Variants in NRG3 observed in about 807,000 individuals in gnomAD.
The protein encoded by NRG3 is pro-neuregulin-3, membrane-bound isoform.
Under a neutral mutation model 66.9 loss-of-function variants are expected in NRG3, and 31 were observed. That is an observed-to-expected ratio of 0.46 (90% confidence interval 0.35 to 0.63). The LOEUF (loss-of-function observed/expected upper bound fraction) is 0.63. Among genes scored for constraint, NRG3 ranks in the 20% least tolerant of loss-of-function variants. The probability of loss-of-function intolerance (pLI) is 0.00; values close to 1 mark genes in which losing one functional copy is unlikely to be tolerated. For synonymous variants in NRG3, 393 were observed against 359.4 expected (o/e 1.09, Z -1.06); for missense variants, 910 against 878.9 (o/e 1.04, Z -0.45).
intron 2 of NRG3, among the ~76,000 whole-genome samples, chr10:82,512,949 T>A (rs554882258): frequency 6.6e-6 from 1 of 152,306 alleles, no homozygotes; most frequent in East Asian, 1.9e-4. Flanking sequence ...ATGCCACATA[T>A]TTTTTCCTTT....
At chr10:82,468,730 A>G (rs950115989) in intron 2 of NRG3, among the ~76,000 whole-genome samples, 1 of 152,216 alleles carries the variant, frequency 6.6e-6, no homozygotes, top group Admixed American at 6.5e-5. Context: ...CAGGCACTTT[A>G]GATCTATTGC....
rs7100746 is a variant in NRG3, at chr10:82,363,029, A to C, written c.953+4161A>C. 7.1e-3 allele frequency among the ~76,000 whole-genome samples: 1,082 copies of C among 152,348 alleles called. 15 individuals carry two copies. The highest frequency in any genetic ancestry group is 0.024 in the African/African-American group (994 of 41,586). ...TGGAAGGCAAAAATTAACAACTTTG[A>C]CACAGCATTTTTTTATCTGAATATC... On this transcript the variant is annotated intron_variant, in intron 2 of 8. Coordinates refer to ENST00000372141, the MANE Select transcript of NRG3 (RefSeq NM_001010848.4).
At chr10:82,707,306 A>T (rs2056368259) in intron 2 of NRG3, among the ~76,000 whole-genome samples, 1 of 151,840 alleles carries the variant, frequency 6.6e-6, no homozygotes, top group South Asian at 2.1e-4. Context: ...TTTTCTCATT[A>T]CCCTTGATAT....
At chr10:82,677,522 C>A (rs1284536863) in intron 2 of NRG3, among the ~76,000 whole-genome samples, 4 of 152,080 alleles carry the variant, frequency 2.6e-5, no homozygotes, top group Non-Finnish European at 5.9e-5. Flanking sequence ...TCTCATCTTT[C>A]TCTGGCTTTT....
At chr10:82,876,350 G>C (rs1037729563) in intron 4 of NRG3, among the ~76,000 whole-genome samples, 16 of 152,152 alleles carry the variant, frequency 1.1e-4, no homozygotes, top group African/African-American at 3.9e-4. Context: ...TAATTATATA[G>C]TGATAGATAG....
chr10:82,524,376 T>A (rs972192944), intron 2 of NRG3, among the ~76,000 whole-genome samples: 1 of 152,000 alleles, frequency 6.6e-6, no homozygotes, highest in African/African-American at 2.4e-5. Context: ...AGGTGCTGAA[T>A]AACGTTAGTT....
intron 3 of NRG3, among the ~76,000 whole-genome samples, chr10:82,775,780 T>A (rs1449260068): frequency 6.6e-6 from 1 of 152,190 alleles, no homozygotes; most frequent in Non-Finnish European, 1.5e-5. Flanking sequence ...TATCTATTTA[T>A]TATTTTATGT....
intron 2 of NRG3, among the ~76,000 whole-genome samples, chr10:82,719,554 A>G (rs2057174991): frequency 6.6e-6 from 1 of 152,144 alleles, no homozygotes; most frequent in African/African-American, 2.4e-5. Context: ...GGAAGCACTA[A>G]ATGTGAAGGC....
chr10:82,709,375 T>G (rs12267238), intron 2 of NRG3, among the ~76,000 whole-genome samples: 33,207 of 148,106 alleles, frequency 0.22, 3,864 homozygotes, highest in Middle Eastern at 0.34. Context: ...TGTTTTTGTT[T>G]TTTGTTTGTT....
At chr10:82,521,355 T>A (rs1846158264) in intron 2 of NRG3, among the ~76,000 whole-genome samples, 1 of 152,106 alleles carries the variant, frequency 6.6e-6, no homozygotes, top group Admixed American at 6.6e-5. Context: ...GACTTTTTTT[T>A]ATTTTGAGAC....
intron 2 of NRG3, among the ~76,000 whole-genome samples, chr10:82,403,084 G>A (rs1344884944): frequency 6.6e-6 from 1 of 152,134 alleles, no homozygotes; most frequent in African/African-American, 2.4e-5. Context: ...GAAAAGACGT[G>A]ACATGCCTTC....
At chr10:81,936,919 G>A (rs1847930793) in intron 1 of NRG3, among the ~76,000 whole-genome samples, 1 of 152,148 alleles carries the variant, frequency 6.6e-6, no homozygotes, top group Non-Finnish European at 1.5e-5. Flanking sequence ...TATGCACATT[G>A]TTGTGCAACA....
chr10:82,674,840 A>C (rs2053553578), intron 2 of NRG3, among the ~76,000 whole-genome samples: 1 of 151,614 alleles, frequency 6.6e-6, no homozygotes, highest in Admixed American at 6.6e-5. Context: ...ACATAATTGC[A>C]GAAAAGAAAG....
At chr10:82,219,893 C>T (rs765371637) in intron 1 of NRG3, among the ~76,000 whole-genome samples, 8 of 151,888 alleles carry the variant, frequency 5.3e-5, no homozygotes, top group African/African-American at 1.7e-4. Context: ...TACAGTATCA[C>T]GATACAGGGA....
At chr10:82,788,447 G>A (rs566235772) in intron 3 of NRG3, among the ~76,000 whole-genome samples, 24 of 152,184 alleles carry the variant, frequency 1.6e-4, no homozygotes, top group Admixed American at 1.2e-3. Flanking sequence ...GTGCATGTCC[G>A]TAGTCCCAGC....
intron 4 of NRG3, among the ~76,000 whole-genome samples, chr10:82,947,540 C>T (rs2132322305): frequency 6.6e-6 from 1 of 152,090 alleles, no homozygotes; most frequent in Middle Eastern, 3.4e-3. Flanking sequence ...ATAATTTTAC[C>T]TTTCCATCAG....
At chr10:82,644,375 A>G (rs146541059) in intron 2 of NRG3, among the ~76,000 whole-genome samples, 2 of 152,052 alleles carry the variant, frequency 1.3e-5, no homozygotes, top group Admixed American at 6.6e-5. Context: ...TAGCTTCCAA[A>G]CCACTGGTGA....
intron 2 of NRG3, among the ~76,000 whole-genome samples, chr10:82,406,625 C>T (rs903369304): frequency 1.3e-5 from 2 of 152,016 alleles, no homozygotes; most frequent in Non-Finnish European, 1.5e-5. Flanking sequence ...ATCGATTGCC[C>T]AATTTACAGA....
chr10:82,677,043 T>TC (rs2053744871), intron 2 of NRG3, among the ~76,000 whole-genome samples: 1 of 150,104 alleles, frequency 6.7e-6, no homozygotes, highest in African/African-American at 2.5e-5. Context: ...TCTTTCTTTC[T>TC]TTCTCTCTCT....
Sources: gnomAD v4.1 joint callset for allele counts (sites outside exome capture counted in the v4.1 genomes callset) on GRCh38, gnomAD v4.1.1 for gene constraint, MANE v1.5 for transcripts, NCBI Gene and HGNC (gene_info 2026-07-23, HGNC 2026-07-21) for gene names.